PCYOX1: variants seen among roughly 807,000 people sequenced by gnomAD.
PCYOX1 encodes prenylcysteine oxidase 1, also known as prenylcysteine lyase.
In PCYOX1, 46 loss-of-function variants were observed where a neutral mutation model predicts 46.4. The observed-to-expected ratio is 0.99, with a 90% CI of 0.78 to 1.27. The LOEUF (loss-of-function observed/expected upper bound fraction) is 1.27, where lower values mean the gene tolerates loss of function less well. PCYOX1 is among the 50% of genes most tolerant of loss of function. PCYOX1 has a pLI of 0.00. For missense variants in PCYOX1, 658 were observed against 628.3 expected (o/e 1.05, Z -0.51); for synonymous variants, 220 against 231.8 (o/e 0.95, Z 0.46).
chr2:70,274,522 T>C (rs1028249509), intron 3 of PCYOX1, among the ~76,000 whole-genome samples: 4 of 151,548 alleles, frequency 2.6e-5, no homozygotes, highest in African/African-American at 9.7e-5. Context: ...ATTTTTCCTT[T>C]TTCTTCTTCT....
rs1696719425 is a variant in PCYOX1 at position 70,278,659 on chromosome 2, A to C, written c.*1267A>C. The C allele has an allele frequency of 6.6e-6, 1 of 152,230 alleles. No individual in the cohort carries two copies. The highest frequency in any genetic ancestry group is 1.5e-5 in the Non-Finnish European group (1 of 68,038). 9.4% of individuals were successfully genotyped at this position (152,230 alleles called of 1,614,324 possible). On this transcript the variant is annotated 3_prime_UTR_variant, in exon 6 of 6. Coordinates refer to ENST00000433351, the MANE Select transcript of PCYOX1 (RefSeq NM_016297.4). ...TCTGGGTGAGAAATTGGTTGCTGAA[A>C]TCTTAAGACAGTGGTCTCAACCTTG...
Position 70,275,685 on chromosome 2 carries a change from T to C in PCYOX1, c.859+19T>C, listed in dbSNP as rs774343341. On this transcript the variant is annotated intron_variant, in intron 5 of 5. Transcript: ENST00000433351. ...TACACAGGTAAGCTTGAATTTCTTA[T>C]TGTTCCTGATATCCCCTGCAGAAAA... is the stretch of plus-strand genomic sequence containing the variant. The C allele has an allele frequency of 9.1e-6, 14 of 1,541,382 alleles. No individual in the cohort carries two copies. The highest frequency in any genetic ancestry group is 6.7e-5 in the South Asian group (6 of 89,592).
chr2:70,267,936 G>A (rs368910574), intron 3 of PCYOX1, among the ~76,000 whole-genome samples: 1 of 151,932 alleles, frequency 6.6e-6, no homozygotes, highest in Non-Finnish European at 1.5e-5. Context: ...TCAGCCTCCC[G>A]AGTAGTTGGG....
chr2:70,258,385 G>C (rs1226782483), intron 1 of PCYOX1, 109 bp downstream of exon 1: 2 of 667,532 alleles, frequency 3.0e-6, no homozygotes, highest in Non-Finnish European at 4.7e-6. Flanking sequence ...CAGCGGTGCA[G>C]GCCGAGCCAG....
chr2:70,269,123 T>C (rs994079274), intron 3 of PCYOX1, among the ~76,000 whole-genome samples: 19 of 151,912 alleles, frequency 1.3e-4, no homozygotes, highest in Admixed American at 1.1e-3. Context: ...CATTTGATCA[T>C]ATTCATGAAG....
intron 3 of PCYOX1, among the ~76,000 whole-genome samples, chr2:70,262,227 T>G (rs1696450336): frequency 6.6e-6 from 1 of 151,978 alleles, no homozygotes; most frequent in Admixed American, 6.6e-5. Context: ...GTGCAATGGT[T>G]CGATATTGGC....
intron 1 of PCYOX1, 143 bp from the exon 2 acceptor site, chr2:70,259,217 C>A: frequency 2.9e-6 from 2 of 699,808 alleles, no homozygotes; most frequent in Non-Finnish European, 5.1e-6. Context: ...TAGACCTTCG[C>A]TGCAGGTGTC....
In PCYOX1 at chr2:70,279,254, T is replaced by C. The variant is rs371041686; in HGVS notation, c.*1862T>C. On this transcript the variant is annotated 3_prime_UTR_variant, in exon 6 of 6. Coordinates refer to ENST00000433351, the MANE Select transcript of PCYOX1 (RefSeq NM_016297.4). Reference sequence around the variant, plus strand: ...ATATGCTGATAAAACTGCCAAGATATATTTGATAGGTAGGGGATTAAACTC... The same window carrying C: ...ATATGCTGATAAAACTGCCAAGATACATTTGATAGGTAGGGGATTAAACTC... The C allele has an allele frequency of 6.6e-6, 1 of 152,210 alleles. No homozygotes were observed. Among genetic ancestry groups the C allele is most frequent in the Non-Finnish European group, 1.5e-5 (1 of 68,036 alleles). The allele number at this position is 152,210 out of a possible 1,614,324, so 9.4% of individuals were successfully genotyped here. A position where few individuals can be genotyped will look rare whatever the true frequency, so the allele number is the denominator to read the frequency against.
At chr2:70,260,621 T>C (rs1401193021) in intron 2 of PCYOX1, among the ~76,000 whole-genome samples, 2 of 152,222 alleles carry the variant, frequency 1.3e-5, no homozygotes, top group African/African-American at 4.8e-5. Context: ...GATGTGCAAC[T>C]GCTGCCCTGA....
At chr2:70,258,085 G>T (rs1696370272), upstream of PCYOX1, 1 of 1,210,094 alleles carries the variant, frequency 8.3e-7, no homozygotes, top group Non-Finnish European at 1.1e-6. Context: ...CCTGGGGGCG[G>T]GGCTGGGCGG....
intron 3 of PCYOX1, among the ~76,000 whole-genome samples, chr2:70,262,911 A>G (rs1422891752): frequency 6.6e-6 from 1 of 152,194 alleles, no homozygotes; most frequent in Non-Finnish European, 1.5e-5. Flanking sequence ...AAAACATGTC[A>G]TATGACCAGG....
At chr2:70,260,571 G>A (rs1423456158) in intron 2 of PCYOX1, among the ~76,000 whole-genome samples, 7 of 152,224 alleles carry the variant, frequency 4.6e-5, no homozygotes, top group Admixed American at 1.3e-4. Flanking sequence ...AACAAACTCC[G>A]TCACACAGCT....
intron 3 of PCYOX1, among the ~76,000 whole-genome samples, chr2:70,264,609 G>A (rs1696487341): frequency 1.3e-5 from 2 of 151,776 alleles, no homozygotes; most frequent in Admixed American, 6.6e-5. Context: ...TTACAGGCAT[G>A]AGCCACCGCA....
At chr2:70,270,635 A>G (rs1696588892) in intron 3 of PCYOX1, among the ~76,000 whole-genome samples, 1 of 152,002 alleles carries the variant, frequency 6.6e-6, no homozygotes, top group Admixed American at 6.5e-5. Flanking sequence ...TTGCATCCTC[A>G]TCTCCTTCGG....
Position 70,275,005 on chromosome 2 carries a change from A to G in PCYOX1, c.541A>G (p.Lys181Glu). 1 of 1,613,768 alleles carries G rather than the reference A, an allele frequency of 6.2e-7. No homozygotes were observed. The change falls in exon 4 of 6, where the codon AAA becomes GAA. Residue 181 changes from lysine to glutamate, a missense_variant. Physicochemically the swap from Lys to Glu is moderately conservative, Grantham distance 56 (BLOSUM62 1). Coordinates refer to ENST00000433351, the MANE Select transcript of PCYOX1 (RefSeq NM_016297.4). ...SHDYAFSSVE[K>E]LLHALGGDDF... ...TGACTATGCCTTCAGTAGTGTCGAA[A>G]AATTACTTCATGCTCTAGGAGGAGA...
chr2:70,274,225 T>G (rs1696636673), intron 3 of PCYOX1, among the ~76,000 whole-genome samples: 1 of 144,632 alleles, frequency 6.9e-6, no homozygotes, highest in South Asian at 2.2e-4. Flanking sequence ...TGAGATGGAG[T>G]CTCGCTCTGT....
At chr2:70,268,570 G>A (rs1696559679) in intron 3 of PCYOX1, among the ~76,000 whole-genome samples, 1 of 152,024 alleles carries the variant, frequency 6.6e-6, no homozygotes, top group Non-Finnish European at 1.5e-5. Context: ...GGCCAAGGCG[G>A]GCAGATCACC....
At chr2:70,259,299 A>G (rs964387506) in intron 1 of PCYOX1, 61 bp from the exon 2 acceptor site, 68 of 1,486,782 alleles carry the variant, frequency 4.6e-5, no homozygotes, top group Middle Eastern at 4.4e-4. Flanking sequence ...TTTCAAAAAC[A>G]AAACAACTCA....
At position 70,275,641 on chromosome 2, in the gene PCYOX1, G is replaced by A. The variant is rs2104900236; in HGVS notation, c.834G>A (p.Glu278=). The change falls in exon 5 of 6, where the codon GAG becomes GAA. Residue 278 remains glutamate, a synonymous_variant. Coordinates refer to ENST00000433351, the MANE Select transcript of PCYOX1 (RefSeq NM_016297.4). ...NLISGSVMYI[E]EKTKTKYTGN... is the part of the protein sequence containing the mutation. ...TATCTGGCTCAGTAATGTACATCGAGGAGAAAACAAAGACCAAGTACACAG... is the reference window on the plus strand; with the variant it reads ...TATCTGGCTCAGTAATGTACATCGAAGAGAAAACAAAGACCAAGTACACAG... 2 of 1,614,048 alleles carry A rather than the reference G, an allele frequency of 1.2e-6. No homozygotes were observed. The highest frequency in any genetic ancestry group is 1.7e-6 in the Non-Finnish European group (2 of 1,180,000).
Sources: gnomAD v4.1 joint callset for allele counts (sites outside exome capture counted in the v4.1 genomes callset) on GRCh38, gnomAD v4.1.1 for gene constraint, MANE v1.5 for transcripts, NCBI Gene and HGNC (gene_info 2026-07-23, HGNC 2026-07-21) for gene names.